The following TDRD9 variants were observed in gnomAD, a reference collection of about 807,000 sequenced individuals.
The protein encoded by TDRD9 is ATP-dependent RNA helicase TDRD9.
In TDRD9, 124 loss-of-function variants were observed where a neutral mutation model predicts 172.6. The observed-to-expected ratio is 0.72, with a 90% CI of 0.62 to 0.83. The LOEUF (loss-of-function observed/expected upper bound fraction) is 0.83. Ranked by LOEUF, TDRD9 falls within the 40% of genes least tolerant of loss-of-function variation. The pLI, the probability that TDRD9 is intolerant of heterozygous loss-of-function variation, is 0.00. For synonymous variants in TDRD9, 619 were observed against 617.1 expected, an observed-to-expected ratio of 1.00 and a Z score of -0.05; for missense variants, 1,479 against 1,714.1, an observed-to-expected ratio of 0.86 and a Z score of 2.42.
intron 7 of TDRD9, among the ~76,000 whole-genome samples, chr14:103,985,612 A>G (rs1456801165): frequency 6.6e-6 from 1 of 152,110 alleles, no homozygotes; most frequent in Non-Finnish European, 1.5e-5. Flanking sequence ...CTGAGGGGCA[A>G]GTTTACATTA....
intron 35 of TDRD9, among the ~76,000 whole-genome samples, chr14:104,051,506 T>G (rs892955281): frequency 6.6e-6 from 1 of 152,262 alleles, no homozygotes; most frequent in Non-Finnish European, 1.5e-5. Context: ...AGTTCCGTTT[T>G]AAGACCTTTG....
At chr14:104,003,008 T>A (rs2034313960) in intron 13 of TDRD9, among the ~76,000 whole-genome samples, 1 of 152,024 alleles carries the variant, frequency 6.6e-6, no homozygotes, top group Non-Finnish European at 1.5e-5. Flanking sequence ...GGATTACAGG[T>A]GTAGGCTAAA....
At chr14:104,022,093 T>G (rs1012137538) in intron 23 of TDRD9, 64 bp from the exon 24 acceptor site, 37 of 1,315,246 alleles carry the variant, frequency 2.8e-5, no homozygotes, top group Non-Finnish European at 3.5e-5. Flanking sequence ...TTGAGAGAAA[T>G]GAATATGCAG....
At chr14:104,027,199 A>ATTAT (rs1286879757) in intron 28 of TDRD9, among the ~76,000 whole-genome samples, 1 of 152,074 alleles carries the variant, frequency 6.6e-6, no homozygotes, top group Non-Finnish European at 1.5e-5. Flanking sequence ...ATTTTTAAAA[A>ATTAT]TTATTTATTT....
At chr14:103,963,759 A>G (rs2032614701) in intron 3 of TDRD9, among the ~76,000 whole-genome samples, 1 of 152,250 alleles carries the variant, frequency 6.6e-6, no homozygotes, top group African/African-American at 2.4e-5. Context: ...AGTTACAGAT[A>G]AAACTAGAAA....
chr14:104,026,224 G>T, intron 27 of TDRD9, 88 bp downstream of exon 27: 2 of 919,288 alleles, frequency 2.2e-6, no homozygotes, highest in East Asian at 2.4e-5. Flanking sequence ...GCCCTGCCTC[G>T]GCTTACAGCT....
intron 11 of TDRD9, 82 bp downstream of exon 11, chr14:103,994,685 G>A (rs1261436577): frequency 1.3e-5 from 15 of 1,172,334 alleles, no homozygotes; most frequent in African/African-American, 3.1e-5. Context: ...TATTTTCTGG[G>A]TGTCGTGGCT....
At chr14:103,968,444 C>T (rs1370445120) in intron 5 of TDRD9, among the ~76,000 whole-genome samples, 1 of 152,036 alleles carries the variant, frequency 6.6e-6, no homozygotes, top group African/African-American at 2.4e-5. Context: ...TGAAGATAGC[C>T]AGCCAGTTTA....
At chr14:104,037,522 T>C (rs2035487313) in intron 32 of TDRD9, among the ~76,000 whole-genome samples, 1 of 152,216 alleles carries the variant, frequency 6.6e-6, no homozygotes, top group Non-Finnish European at 1.5e-5. Context: ...AACATACTCT[T>C]TGTACAATAG....
At chr14:103,988,250 T>G (rs1301448040) in intron 8 of TDRD9, among the ~76,000 whole-genome samples, 2 of 152,082 alleles carry the variant, frequency 1.3e-5, no homozygotes, top group African/African-American at 4.8e-5. Flanking sequence ...CTCAGCTCAC[T>G]GCAACCTCTG....
At chr14:103,953,986 A>C (rs2032074542) in intron 1 of TDRD9, among the ~76,000 whole-genome samples, 1 of 152,202 alleles carries the variant, frequency 6.6e-6, no homozygotes, top group Non-Finnish European at 1.5e-5. Flanking sequence ...CCCTTGGCCC[A>C]GTCAAGTTGA....
At chr14:103,928,788 C>T (rs2030151342) in intron 1 of TDRD9, 64 bp downstream of exon 1, 2 of 521,900 alleles carry the variant, frequency 3.8e-6, no homozygotes, top group Non-Finnish European at 5.5e-6. Context: ...GACGAGGGCA[C>T]GGGCCATCCA....
intron 29 of TDRD9, among the ~76,000 whole-genome samples, chr14:104,031,468 GTTTTTTTTT>G (rs55696833): frequency 2.0e-3 from 215 of 105,096 alleles, no homozygotes; most frequent in African/African-American, 6.3e-3. Context: ...GCTTTGACTA[GTTTTTTTTT>G]TTTTTTTTTT....
Position 104,007,030 on chromosome 14 carries a change from A to C in TDRD9, c.2008-130A>C, listed in dbSNP as rs895363430. 2.6e-5 allele frequency: 28 copies of C among 1,077,186 alleles called. No homozygotes were observed. In the Admixed American group the frequency reaches 6.8e-4, roughly 26 times the overall value. 66.7% of individuals were successfully genotyped at this position (1,077,186 alleles called of 1,614,324 possible). ...GTGAGTGAGGTGGAAGTCCAATTTT[A>C]TGAAATTGATTGAAAAAATTAAATT... On this transcript the variant is annotated intron_variant, in intron 18 of 35. Coordinates refer to ENST00000409874, the MANE Select transcript of TDRD9 (RefSeq NM_153046.3).
At chr14:103,955,814 G>C in intron 2 of TDRD9, 44 bp downstream of exon 2, 2 of 1,454,982 alleles carry the variant, frequency 1.4e-6, no homozygotes, top group Non-Finnish European at 1.9e-6. Context: ...TGCATGAGTG[G>C]TTCACATGCT....
intron 9 of TDRD9, among the ~76,000 whole-genome samples, chr14:103,991,759 AT>A (rs5811125): frequency 0.6 from 86,219 of 143,136 alleles, 26,316 homozygotes; most frequent in East Asian, 0.7. Context: ...TAAGAGTTCA[AT>A]TTTTTTTTTT....
rs1196208940 is a variant in TDRD9, at chr14:104,049,606, A to G, written c.3975-2A>G. The G allele has an allele frequency of 1.9e-6, 3 of 1,554,590 alleles. No homozygotes were observed. Among genetic ancestry groups the G allele is most frequent in the Non-Finnish European group, 2.6e-6 (3 of 1,149,632 alleles). On this transcript the variant is annotated splice_acceptor_variant, in intron 34 of 35. Coordinates refer to ENST00000409874, the MANE Select transcript of TDRD9 (RefSeq NM_153046.3). LOFTEE classifies it high-confidence loss of function. Reference sequence around the variant, plus strand: ...AGATAATTTCTTTTTTTTTTAAATTAGTTTGTTCTGTCAGTCAAAACCAAG... The same window carrying G: ...AGATAATTTCTTTTTTTTTTAAATTGGTTTGTTCTGTCAGTCAAAACCAAG...
chr14:103,944,408 G>C (rs2031446574), intron 1 of TDRD9, among the ~76,000 whole-genome samples: 1 of 152,086 alleles, frequency 6.6e-6, no homozygotes, highest in Admixed American at 6.6e-5. Context: ...TCATGGACCA[G>C]CTCAAATACC....
At position 104,001,240 on chromosome 14, in the gene TDRD9, ACT is replaced by A. The variant is rs539803975; in HGVS notation, c.1483+2515_1483+2516del. Among the ~76,000 whole-genome samples the A allele has an allele frequency of 5.3e-5, 8 of 151,892 alleles. No homozygotes were observed. In the South Asian group the frequency reaches 1.7e-3, roughly 32 times the overall value. On this transcript the variant is annotated intron_variant, in intron 13 of 35. Coordinates refer to ENST00000409874, the MANE Select transcript of TDRD9 (RefSeq NM_153046.3). The stretch of plus-strand genomic sequence containing the variant: ...CCTTGCAGCCATACCTGCCCCTAAC[ACT>A]CTGTCTGTCAACTGGTGACCCGTCT...
Sources: allele counts gnomAD v4.1 joint callset (sites outside exome capture counted in the v4.1 genomes callset), GRCh38; gene constraint gnomAD v4.1.1; transcripts MANE v1.5; gene names NCBI Gene and HGNC (gene_info 2026-07-23, HGNC 2026-07-21).